Variants in TSPAN18 observed in about 807,000 individuals in gnomAD.
TSPAN18 encodes tetraspanin-18.
TSPAN18 carries 14 observed loss-of-function variants against 27.3 expected under a neutral mutation model. The ratio of observed to expected loss-of-function variants is 0.51; its 90% CI spans 0.34 to 0.80. The LOEUF (loss-of-function observed/expected upper bound fraction) is 0.80, where lower values mean the gene tolerates loss of function less well. Among genes scored for constraint, TSPAN18 ranks in the 30% least tolerant of loss-of-function variants. The pLI is 0.01. For missense variants in TSPAN18, 268 were observed against 323.9 expected (o/e 0.83, Z 1.32); for synonymous variants, 143 against 136.5 (o/e 1.05, Z -0.33).
At chr11:44,751,468 A>C (rs916101831) in intron 1 of TSPAN18, among the ~76,000 whole-genome samples, 4 of 152,156 alleles carry the variant, frequency 2.6e-5, no homozygotes, top group Non-Finnish European at 5.9e-5. Context: ...TGTGGTGGTG[A>C]GGTCCTAATG....
upstream of TSPAN18, chr11:44,726,432 C>T (rs1854502691): frequency 6.6e-6 from 1 of 152,240 alleles, no homozygotes; most frequent in African/African-American, 2.4e-5. Context: ...TGCATCTGAC[C>T]TGGGGTCAGG....
At chr11:44,877,132 C>T (rs1206797145) in intron 3 of TSPAN18, among the ~76,000 whole-genome samples, 2 of 152,264 alleles carry the variant, frequency 1.3e-5, no homozygotes, top group East Asian at 3.9e-4. Flanking sequence ...CTGGGCCTGT[C>T]AGCTGACAAA....
chr11:44,836,127 A>C (rs1305253898), intron 2 of TSPAN18, among the ~76,000 whole-genome samples: 1 of 152,230 alleles, frequency 6.6e-6, no homozygotes, highest in Non-Finnish European at 1.5e-5. Flanking sequence ...ATTTTAAATC[A>C]AAAGCTAGAA....
chr11:44,927,545 C>T (rs1450414551), intron 9 of TSPAN18, among the ~76,000 whole-genome samples: 1 of 152,212 alleles, frequency 6.6e-6, no homozygotes, highest in African/African-American at 2.4e-5. Context: ...GTGCCTGCAG[C>T]GCCACGGAGT....
intron 8 of TSPAN18, 75 bp downstream of exon 8, chr11:44,920,074 A>T: frequency 7.0e-7 from 1 of 1,429,312 alleles, no homozygotes; most frequent in South Asian, 1.3e-5. Context: ...GGGAGGCGCT[A>T]TCACCCCAGA....
In TSPAN18 at chr11:44,916,953, G is replaced by A. The variant is rs376127750; in HGVS notation, c.259-1019G>A. The stretch of plus-strand genomic sequence containing the variant: ...CAGTTTCTTCTGCTGACAGCTCTCA[G>A]CCCAAAGGAAACCACACAATGACCA... On this transcript the variant is annotated intron_variant, in intron 5 of 9. Transcript: ENST00000520358. 4.6e-5 allele frequency among the ~76,000 whole-genome samples: 7 copies of A among 152,244 alleles called. No individual in the cohort carries two copies. The East Asian group carries it at 5.8e-4, about 13-fold the overall frequency.
chr11:44,859,962 T>A (rs555934383), intron 2 of TSPAN18, among the ~76,000 whole-genome samples: 2 of 152,362 alleles, frequency 1.3e-5, no homozygotes, highest in African/African-American at 4.8e-5. Flanking sequence ...CTTGGACTCA[T>A]GGACTTGCCT....
chr11:44,909,696 C>T lies in TSPAN18; in HGVS notation c.64-9C>T, dbSNP rs942439029. ...TTTCTCCTCCCAACTCCTCCACTGG[C>T]CCGAGCAGCTGGGCGGGGCCTGCCT... On this transcript the variant is annotated splice_polypyrimidine_tract_variant and intron_variant, in intron 4 of 9. Transcript: ENST00000520358. 1.9e-6 allele frequency: 3 copies of T among 1,605,782 alleles called. No individual in the cohort carries two copies. The highest frequency in any genetic ancestry group is 2.7e-5 in the African/African-American group (2 of 74,852).
At chr11:44,813,441 C>T (rs1047821091) in intron 2 of TSPAN18, among the ~76,000 whole-genome samples, 1 of 152,206 alleles carries the variant, frequency 6.6e-6, no homozygotes, top group African/African-American at 2.4e-5. Context: ...AAGTGCCTGG[C>T]ACAGTTCAAG....
At chr11:44,806,121 G>A (rs548983730) in intron 2 of TSPAN18, among the ~76,000 whole-genome samples, 7 of 145,082 alleles carry the variant, frequency 4.8e-5, no homozygotes, top group Non-Finnish European at 7.5e-5. Flanking sequence ...TGCAACCTCC[G>A]CCTCCCGGGT....
intron 2 of TSPAN18, among the ~76,000 whole-genome samples, chr11:44,786,226 G>C (rs1256514784): frequency 1.3e-5 from 2 of 152,238 alleles, no homozygotes; most frequent in Non-Finnish European, 2.9e-5. Context: ...TTGTATCTCT[G>C]TTTGACAGAT....
chr11:44,818,619 C>G (rs990333519), intron 2 of TSPAN18, among the ~76,000 whole-genome samples: 1 of 152,134 alleles, frequency 6.6e-6, no homozygotes, highest in Non-Finnish European at 1.5e-5. Flanking sequence ...GCCTGCCTGC[C>G]CTATCCCCAC....
chr11:44,758,624 G>T (rs1259740524), intron 1 of TSPAN18, among the ~76,000 whole-genome samples: 1 of 152,158 alleles, frequency 6.6e-6, no homozygotes, highest in African/African-American at 2.4e-5. Context: ...CTGCTTCTGT[G>T]TATCGAGTGT....
At chr11:44,789,364 G>A (rs892221281) in intron 2 of TSPAN18, among the ~76,000 whole-genome samples, 1 of 152,188 alleles carries the variant, frequency 6.6e-6, no homozygotes, top group Non-Finnish European at 1.5e-5. Flanking sequence ...GAAGAAAAAT[G>A]GCTCTATTGG....
At chr11:44,910,727 A>G (rs372367644) in intron 5 of TSPAN18, among the ~76,000 whole-genome samples, 29 of 152,272 alleles carry the variant, frequency 1.9e-4, no homozygotes, top group African/African-American at 7.0e-4. Flanking sequence ...TATCATGCGC[A>G]TGTAGTTCAC....
intron 2 of TSPAN18, among the ~76,000 whole-genome samples, chr11:44,852,076 AAT>A (rs1391415330): frequency 6.6e-6 from 1 of 152,170 alleles, no homozygotes; most frequent in East Asian, 1.9e-4. Context: ...ATGAATGATG[AAT>A]ATCACTTACT....
intron 2 of TSPAN18, among the ~76,000 whole-genome samples, chr11:44,781,837 C>T (rs952095665): frequency 6.6e-6 from 1 of 152,148 alleles, no homozygotes; most frequent in African/African-American, 2.4e-5. Flanking sequence ...CTTAGCCCTC[C>T]CCAGTTAATC....
At chr11:44,862,663 C>A (rs1207506017) in intron 3 of TSPAN18, among the ~76,000 whole-genome samples, 1 of 152,252 alleles carries the variant, frequency 6.6e-6, no homozygotes, top group Non-Finnish European at 1.5e-5. Context: ...TGGGAGATCT[C>A]CTGAGGGCAG....
chr11:44,908,053 T>C (rs1309647098), intron 4 of TSPAN18, among the ~76,000 whole-genome samples: 2 of 40,202 alleles, frequency 5.0e-5, no homozygotes, highest in Admixed American at 3.1e-4. Flanking sequence ...AAACTCCGTC[T>C]CAGAAAAAAA....
Sources: gnomAD v4.1 joint callset for allele counts (sites outside exome capture counted in the v4.1 genomes callset) on GRCh38, gnomAD v4.1.1 for gene constraint, MANE v1.5 for transcripts, NCBI Gene and HGNC (gene_info 2026-07-23, HGNC 2026-07-21) for gene names.